FBXO21: variants seen among roughly 807,000 people sequenced by gnomAD.
FBXO21 encodes the protein F-box protein 21, also known as F-box only protein 21.
A neutral mutation model predicts 76.6 loss-of-function variants in FBXO21; 32 were observed. That is an observed-to-expected ratio of 0.42 (90% CI 0.32 to 0.56). The LOEUF (loss-of-function observed/expected upper bound fraction) is 0.56, where lower values mean the gene tolerates loss of function less well. Among genes scored for constraint, FBXO21 ranks in the 20% least tolerant of loss-of-function variants. FBXO21 has a pLI of 0.16. For synonymous variants in FBXO21, 328 were observed against 311.5 expected, an observed-to-expected ratio of 1.05 and a Z score of -0.56; for missense variants, 586 against 797.3, an observed-to-expected ratio of 0.73 and a Z score of 3.19.
intron 9 of FBXO21, among the ~76,000 whole-genome samples, chr12:117,164,992 AG>A (rs1193768487): frequency 6.6e-6 from 1 of 152,256 alleles, no homozygotes; most frequent in East Asian, 1.9e-4. Context: ...TAAAAAACTG[AG>A]AAAATTCAAG....
Position 117,174,688 on chromosome 12 carries a change from G to A in FBXO21, c.702C>T (p.Gly234=). The change falls in exon 5 of 12, where the codon GGC becomes GGT. Residue 234 remains glycine, a synonymous_variant. Transcript: ENST00000622495. ...IVELVCKTLR[G]INSRHPSLAF... Reference sequence around the variant, plus strand: ...CCAAGCTGGGGTGGCGACTGTTTATGCCCCGAAGGGTTTTGCAAACAAGCT... The same window carrying A: ...CCAAGCTGGGGTGGCGACTGTTTATACCCCGAAGGGTTTTGCAAACAAGCT... 6 of 1,614,152 alleles carry A rather than the reference G, an allele frequency of 3.7e-6. No individual in the cohort carries two copies. The highest frequency in any genetic ancestry group is 5.1e-6 in the Non-Finnish European group (6 of 1,180,024).
At chr12:117,158,570 A>G (rs940231318) in intron 9 of FBXO21, among the ~76,000 whole-genome samples, 1 of 152,198 alleles carries the variant, frequency 6.6e-6, no homozygotes, top group African/African-American at 2.4e-5. Context: ...TGTCTGACAC[A>G]ACTGCCTCAG....
chr12:117,145,469 G>A lies in FBXO21; in HGVS notation c.*618C>T, dbSNP rs1955759534. On this transcript the variant is annotated 3_prime_UTR_variant, in exon 12 of 12. Transcript: ENST00000622495. ...TTCCCATTTAAATTTAAAAAAAAAA[G>A]ATAAAACACTTGAAATCTGTGTTTC... is the stretch of plus-strand genomic sequence containing the variant. 6.7e-6 allele frequency: 1 copy of A among 149,768 alleles called. No homozygotes were observed. Among genetic ancestry groups the A allele is most frequent in the East Asian group, 2.0e-4 (1 of 4,994 alleles). The allele number at this position is 149,768 out of a possible 1,614,324, so 9.3% of individuals were successfully genotyped here. A position where few individuals can be genotyped will look rare whatever the true frequency, so the allele number is the denominator to read the frequency against.
At position 117,190,439 on chromosome 12, in the gene FBXO21, G is replaced by T. The variant is rs376499056; in HGVS notation, c.18C>A (p.Val6=). The change falls in exon 1 of 12, where the codon GTC becomes GTA. Residue 6 remains valine, a synonymous_variant. Transcript: ENST00000622495. MAAAA[V]DSAMEVVPAL... ...CCGGCACCACCTCCATCGCGCTGTC[G>T]ACTGCTGCCGCCGCCATCTTGTCCG... is the stretch of plus-strand genomic sequence containing the variant. The T allele has an allele frequency of 2.9e-3, 3,979 of 1,392,236 alleles. 27 individuals are homozygous for T. The highest frequency in any genetic ancestry group is 0.011 in the South Asian group (857 of 75,536). The allele number at this position is 1,392,236 out of a possible 1,614,324, so 86.2% of individuals were successfully genotyped here.
Position 117,172,555 on chromosome 12 carries a change from G to T in FBXO21, c.929C>A (p.Thr310Lys). 6.2e-7 allele frequency: 1 copy of T among 1,614,142 alleles called. No individual in the cohort carries two copies. Among genetic ancestry groups the T allele is most frequent in the South Asian group, 1.1e-5 (1 of 91,076 alleles). Residue 310 changes from threonine to lysine, a missense_variant, in exon 7 of 12, where the codon ACA becomes AAA. By Grantham distance (78) the Thr-to-Lys change is moderately conservative. Around this residue, in one of 6 missense-constraint regions of FBXO21, gnomAD observed 246 missense variants for 356.8 expected, o/e 0.69. Transcript: ENST00000622495. ...IPISMSLLYL[T>K]IARQLGVPLE... Reference sequence around the variant, plus strand: ...TGGGACTCCCAACTGCCGAGCAATTGTCAAATAGAGCAGAGACATGCTGAT... The same window carrying T: ...TGGGACTCCCAACTGCCGAGCAATTTTCAAATAGAGCAGAGACATGCTGAT...
chr12:117,145,974 G>C lies in FBXO21; in HGVS notation c.*113C>G, dbSNP rs1379044085. The stretch of plus-strand genomic sequence containing the variant: ...GGAGGCAACCAGCACTACTGGTGGA[G>C]TGGCTTTCCTGGTGCAGCAGGTCCC... On this transcript the variant is annotated 3_prime_UTR_variant, in exon 12 of 12. Coordinates refer to ENST00000622495, the MANE Select transcript of FBXO21 (RefSeq NM_015002.3). 1.3e-6 allele frequency: 1 copy of C among 771,286 alleles called. No homozygotes were observed. Among genetic ancestry groups the C allele is most frequent in the Non-Finnish European group, 2.0e-6 (1 of 491,646 alleles). The allele number at this position is 771,286 out of a possible 1,614,324, so 47.8% of individuals were successfully genotyped here.
intron 4 of FBXO21, among the ~76,000 whole-genome samples, chr12:117,177,070 T>C (rs1317431583): frequency 1.3e-5 from 2 of 152,208 alleles, no homozygotes; most frequent in African/African-American, 4.8e-5. Context: ...TTCTTCCTTC[T>C]CACCTTTCAT....
intron 6 of FBXO21, among the ~76,000 whole-genome samples, 186 bp from the exon 7 acceptor site, chr12:117,172,793 G>A (rs1013776452): frequency 6.6e-6 from 1 of 152,076 alleles, no homozygotes; most frequent in Non-Finnish European, 1.5e-5. Context: ...CCAGTCCACC[G>A]GCTATTTTTG....
chr12:117,153,424 G>A (rs1257842604), intron 11 of FBXO21, among the ~76,000 whole-genome samples: 4 of 152,186 alleles, frequency 2.6e-5, no homozygotes, highest in Non-Finnish European at 4.4e-5. Flanking sequence ...TCAGTGAGTC[G>A]GGGTAACAAT....
intron 3 of FBXO21, among the ~76,000 whole-genome samples, chr12:117,184,522 G>A (rs1427728266): frequency 6.6e-6 from 1 of 152,182 alleles, no homozygotes; most frequent in Non-Finnish European, 1.5e-5. Context: ...GGGAAGCCGA[G>A]ACCAGCAGAT....
intron 3 of FBXO21, among the ~76,000 whole-genome samples, chr12:117,182,986 G>C (rs953400640): frequency 6.6e-6 from 1 of 152,056 alleles, no homozygotes. Flanking sequence ...CTAACTACTC[G>C]GGAGGCTGAG....
At chr12:117,169,487 C>CA (rs1255208607) in intron 7 of FBXO21, among the ~76,000 whole-genome samples, 2 of 150,528 alleles carry the variant, frequency 1.3e-5, no homozygotes, top group African/African-American at 4.9e-5. Flanking sequence ...TCTATTACAA[C>CA]AAAAAAATAT....
chr12:117,186,639 T>C, intron 2 of FBXO21, 68 bp from the exon 3 acceptor site: 2 of 1,022,348 alleles, frequency 2.0e-6, no homozygotes, highest in Non-Finnish European at 3.0e-6. Context: ...TCTCACAAAT[T>C]TGAGCTGAAA....
At chr12:117,176,593 C>G (rs1028422568) in intron 4 of FBXO21, among the ~76,000 whole-genome samples, 1 of 151,600 alleles carries the variant, frequency 6.6e-6, no homozygotes, top group Admixed American at 6.6e-5. Context: ...TTTTGGCTGA[C>G]TTGGAGGGAA....
intron 3 of FBXO21, among the ~76,000 whole-genome samples, chr12:117,179,183 T>C (rs1956204997): frequency 1.3e-5 from 2 of 152,086 alleles, no homozygotes; most frequent in South Asian, 2.1e-4. Context: ...GTAAAATATA[T>C]CAATCTAGAA....
At chr12:117,175,617 A>C (rs544745168) in intron 4 of FBXO21, among the ~76,000 whole-genome samples, 1 of 152,352 alleles carries the variant, frequency 6.6e-6, no homozygotes, top group Admixed American at 6.5e-5. Flanking sequence ...TGTTGCCACC[A>C]GCCAGGGACT....
At chr12:117,166,864 C>T in intron 8 of FBXO21, 34 bp downstream of exon 8, 1 of 1,597,860 alleles carries the variant, frequency 6.3e-7, no homozygotes, top group Non-Finnish European at 8.6e-7. Flanking sequence ...GACATGTGCT[C>T]TGCAGAAGTA....
At chr12:117,171,094 T>C (rs1273904621) in intron 7 of FBXO21, among the ~76,000 whole-genome samples, 1 of 152,116 alleles carries the variant, frequency 6.6e-6, no homozygotes, top group Non-Finnish European at 1.5e-5. Flanking sequence ...CCAGGCGCGG[T>C]GGCTCACGCC....
At chr12:117,183,258 T>C (rs550050916) in intron 3 of FBXO21, among the ~76,000 whole-genome samples, 64 of 152,036 alleles carry the variant, frequency 4.2e-4, no homozygotes, top group Admixed American at 6.5e-4. Context: ...TTTAACACTT[T>C]TTTTTTTTTG....
Sources: allele counts gnomAD v4.1 joint callset (sites outside exome capture counted in the v4.1 genomes callset), GRCh38; gene constraint gnomAD v4.1.1; regional missense constraint gnomAD v4.1.1; transcripts MANE v1.5; gene names NCBI Gene and HGNC (gene_info 2026-07-23, HGNC 2026-07-21).